The following ZSWIM6 variants were observed in gnomAD, a reference collection of about 807,000 sequenced individuals.
ZSWIM6 encodes the protein zinc finger SWIM-type containing 6, also known as zinc finger SWIM domain-containing protein 6.
ZSWIM6 carries 9 observed loss-of-function variants against 113.2 expected under a neutral mutation model. The ratio of observed to expected loss-of-function variants is 0.08; its 90% CI spans 0.05 to 0.14. The LOEUF is 0.14. Among genes scored for constraint, ZSWIM6 ranks in the 10% least tolerant of loss-of-function variants. The pLI, the probability that ZSWIM6 is intolerant of heterozygous loss-of-function variation, is 1.00. For synonymous variants in ZSWIM6, 611 were observed against 606.5 expected (o/e 1.01, Z -0.11); for missense variants, 1,162 against 1,552.2 (o/e 0.75, Z 4.22).
At chr5:61,529,064 C>T (rs1034638402) in intron 7 of ZSWIM6, among the ~76,000 whole-genome samples, 5 of 151,956 alleles carry the variant, frequency 3.3e-5, no homozygotes, top group African/African-American at 9.7e-5. Context: ...TAAAATTGGC[C>T]GGGCGTGATG....
intron 1 of ZSWIM6, among the ~76,000 whole-genome samples, chr5:61,336,229 A>G (rs1744391402): frequency 6.6e-6 from 1 of 152,030 alleles, no homozygotes; most frequent in African/African-American, 2.4e-5. Flanking sequence ...GTACCATTGC[A>G]CTCCAGCCTG....
intron 1 of ZSWIM6, among the ~76,000 whole-genome samples, chr5:61,405,604 A>G (rs536209999): frequency 1.3e-5 from 2 of 152,350 alleles, no homozygotes; most frequent in South Asian, 4.1e-4. Flanking sequence ...GGTATTCCAG[A>G]TACAGGAAAA....
In ZSWIM6 at chr5:61,530,314, G is replaced by C. The variant is rs534055624; in HGVS notation, c.1984+116G>C. ...GAACCATGTAGTTAACAGCACCTTTGGTTAGCAAGAGAGCAAGAAAATGGG... is the reference window on the plus strand; with the variant it reads ...GAACCATGTAGTTAACAGCACCTTTCGTTAGCAAGAGAGCAAGAAAATGGG... On this transcript the variant is annotated intron_variant, in intron 8 of 13. Transcript: ENST00000252744. 1.0e-5 allele frequency: 11 copies of C among 1,096,912 alleles called. No individual in the cohort carries two copies. The African/African-American group carries it at 1.6e-4, about 16-fold the overall frequency. The allele number at this position is 1,096,912 out of a possible 1,614,324, so 67.9% of individuals were successfully genotyped here. A position where few individuals can be genotyped will look rare whatever the true frequency, so the allele number is the denominator to read the frequency against.
At chr5:61,380,880 C>T (rs1466983757) in intron 1 of ZSWIM6, among the ~76,000 whole-genome samples, 2 of 151,534 alleles carry the variant, frequency 1.3e-5, no homozygotes, top group East Asian at 1.9e-4. Context: ...GCAAGTGGAT[C>T]GCTTGAACCC....
chr5:61,447,147 G>C (rs1746972176), intron 1 of ZSWIM6, among the ~76,000 whole-genome samples: 1 of 152,004 alleles, frequency 6.6e-6, no homozygotes, highest in South Asian at 2.1e-4. Flanking sequence ...TGAAAGCCTG[G>C]ATACATGGAA....
At chr5:61,339,534 A>G (rs1323571159) in intron 1 of ZSWIM6, among the ~76,000 whole-genome samples, 1 of 152,178 alleles carries the variant, frequency 6.6e-6, no homozygotes, top group African/African-American at 2.4e-5. Context: ...TAAGAAGCTT[A>G]CTTACATATA....
chr5:61,541,778 T>A, intron 12 of ZSWIM6, 106 bp from the exon 13 acceptor site: 1 of 842,786 alleles, frequency 1.2e-6, no homozygotes. Context: ...ATCTTCCTGG[T>A]GGTAGACAGT....
intron 4 of ZSWIM6, among the ~76,000 whole-genome samples, chr5:61,502,507 A>G (rs963220533): frequency 6.6e-6 from 1 of 152,156 alleles, no homozygotes. Flanking sequence ...CATTACTACT[A>G]GGGTTTTCAT....
chr5:61,533,839 A>G (rs573781580), intron 9 of ZSWIM6, among the ~76,000 whole-genome samples: 9 of 152,328 alleles, frequency 5.9e-5, no homozygotes, highest in African/African-American at 2.2e-4. Context: ...TATTTCTCAC[A>G]GTTCTGGAGG....
chr5:61,360,305 G>T (rs995664610), intron 1 of ZSWIM6, among the ~76,000 whole-genome samples: 3 of 152,236 alleles, frequency 2.0e-5, no homozygotes, highest in Non-Finnish European at 4.4e-5. Context: ...AACCCAACTG[G>T]AAGCAAGTTG....
intron 2 of ZSWIM6, among the ~76,000 whole-genome samples, chr5:61,488,907 G>A (rs1017101433): frequency 6.6e-6 from 1 of 151,870 alleles, no homozygotes; most frequent in African/African-American, 2.4e-5. Flanking sequence ...TGCATATCAG[G>A]ACAAAACATC....
At chr5:61,352,875 C>T (rs892672354) in intron 1 of ZSWIM6, among the ~76,000 whole-genome samples, 2 of 152,144 alleles carry the variant, frequency 1.3e-5, no homozygotes, top group African/African-American at 4.8e-5. Context: ...TTCTTTTGCT[C>T]ACATGCATAG....
At chr5:61,405,302 TA>T (rs1579979017) in intron 1 of ZSWIM6, among the ~76,000 whole-genome samples, 1 of 152,228 alleles carries the variant, frequency 6.6e-6, no homozygotes, top group East Asian at 1.9e-4. Flanking sequence ...TGGAATGTCT[TA>T]AGTAGATTTT....
intron 4 of ZSWIM6, among the ~76,000 whole-genome samples, chr5:61,510,732 G>A (rs1456161721): frequency 6.6e-6 from 1 of 152,118 alleles, no homozygotes; most frequent in Non-Finnish European, 1.5e-5. Flanking sequence ...CTTGAAGCCA[G>A]GAAAGTAATT....
intron 1 of ZSWIM6, chr5:61,375,529 C>T: frequency 6.4e-7 from 1 of 1,551,512 alleles, no homozygotes; most frequent in Non-Finnish European, 8.7e-7. Flanking sequence ...GAACCGTTCA[C>T]ATAAATCTTC....
intron 1 of ZSWIM6, among the ~76,000 whole-genome samples, chr5:61,455,805 A>G (rs1025726267): frequency 1.2e-4 from 2 of 17,330 alleles, no homozygotes; most frequent in South Asian, 2.5e-3. Flanking sequence ...CTTCTCCTCC[A>G]CCCCCGCCTT....
intron 1 of ZSWIM6, among the ~76,000 whole-genome samples, chr5:61,406,169 A>G (rs1218318804): frequency 6.6e-6 from 1 of 152,124 alleles, no homozygotes; most frequent in African/African-American, 2.4e-5. Context: ...TCATTTTGCT[A>G]TCTCTTTGGG....
intron 10 of ZSWIM6, among the ~76,000 whole-genome samples, chr5:61,536,938 C>T (rs188690685): frequency 2.3e-4 from 35 of 152,212 alleles, no homozygotes; most frequent in Non-Finnish European, 3.7e-4. Context: ...TTTTAGAGCA[C>T]GATTTTAAAA....
chr5:61,541,541 G>T (rs988980494), intron 12 of ZSWIM6, among the ~76,000 whole-genome samples: 27 of 151,308 alleles, frequency 1.8e-4, no homozygotes, highest in African/African-American at 6.4e-4. Context: ...AATCTGGGGA[G>T]GGAAAAAGGG....
Sources: gnomAD v4.1 joint callset for allele counts (sites outside exome capture counted in the v4.1 genomes callset) on GRCh38, gnomAD v4.1.1 for gene constraint, MANE v1.5 for transcripts, NCBI Gene and HGNC (gene_info 2026-07-23, HGNC 2026-07-21) for gene names.